CNTNAP3: variants seen among roughly 807,000 people sequenced by gnomAD.
CNTNAP3 encodes the protein contactin-associated protein-like 3.
Under a neutral mutation model 92.1 loss-of-function variants are expected in CNTNAP3, and 36 were observed. The ratio of observed to expected loss-of-function variants is 0.39; its 90% CI spans 0.30 to 0.52. CNTNAP3 has a LOEUF of 0.52. Ranked by LOEUF, CNTNAP3 falls within the 20% of genes least tolerant of loss-of-function variation. The pLI, the probability that CNTNAP3 is intolerant of heterozygous loss-of-function variation, is 0.76. For missense variants in CNTNAP3, 534 were observed against 1,069.6 expected (o/e 0.50, Z 6.98); for synonymous variants, 232 against 422.3 (o/e 0.55, Z 5.53).
chr9:39,103,109 A>G (rs1826505532), intron 16 of CNTNAP3, among the ~76,000 whole-genome samples: 2 of 152,376 alleles, frequency 1.3e-5, no homozygotes, highest in African/African-American at 4.8e-5. Context: ...TTTGACAGTC[A>G]TAAATTAAGC....
intron 13 of CNTNAP3, among the ~76,000 whole-genome samples, chr9:39,121,517 T>C (rs558834526): frequency 8.7e-4 from 133 of 152,274 alleles, no homozygotes; most frequent in Middle Eastern, 6.8e-3. Flanking sequence ...GTTAAAGTCA[T>C]AGGGCAAACA....
intron 13 of CNTNAP3, among the ~76,000 whole-genome samples, chr9:39,118,842 G>T (rs903919001): frequency 6.6e-6 from 1 of 152,154 alleles, no homozygotes. Context: ...TGAGGTTAGA[G>T]ATTTCTCATG....
At position 39,109,412 on chromosome 9, in the gene CNTNAP3, A is replaced by G. The variant is rs1016287058; in HGVS notation, c.2238-125T>C. 4.9e-6 allele frequency: 7 copies of G among 1,442,552 alleles called. No individual in the cohort carries two copies. The Admixed American group carries it at 6.7e-5, about 14-fold the overall frequency. The allele number at this position is 1,442,552 out of a possible 1,614,324, so 89.4% of individuals were successfully genotyped here. On this transcript the variant is annotated intron_variant, in intron 14 of 23. Coordinates refer to ENST00000297668, the MANE Select transcript of CNTNAP3 (RefSeq NM_033655.5). ...CTTAACAGAATACTTAACATTTTCA[A>G]TATTTTGAGAGCACAGAGACTACCA...
intron 14 of CNTNAP3, among the ~76,000 whole-genome samples, chr9:39,112,222 ATTGTAC>A (rs1563881627): frequency 6.6e-6 from 1 of 151,860 alleles, no homozygotes; most frequent in African/African-American, 2.4e-5. Context: ...GGTTCTGGAA[ATTGTAC>A]TTTCCTAGGA....
intron 13 of CNTNAP3, among the ~76,000 whole-genome samples, chr9:39,131,273 A>G (rs1036571854): frequency 1.3e-5 from 2 of 152,168 alleles, no homozygotes; most frequent in Non-Finnish European, 2.9e-5. Flanking sequence ...TCATTTATAA[A>G]AGAAACCCCA....
Position 39,120,493 on chromosome 9 carries a change from A to G in CNTNAP3, c.2081-2234T>C, listed in dbSNP as rs181351435. ...GAAACCATCCTGGCTAACACGGTGA[A>G]ACCCCGTCTCTACTAAAAATACAAA... On this transcript the variant is annotated intron_variant, in intron 13 of 23. Transcript: ENST00000297668. Among the ~76,000 whole-genome samples, 699 of 152,252 alleles carry G rather than the reference A, an allele frequency of 4.6e-3. 8 individuals carry two copies. Among genetic ancestry groups the G allele is most frequent in the African/African-American group, 0.016 (670 of 41,554 alleles).
chr9:39,098,299 T>C (rs1439735936), intron 18 of CNTNAP3, among the ~76,000 whole-genome samples: 1 of 150,204 alleles, frequency 6.7e-6, no homozygotes, highest in Non-Finnish European at 1.5e-5. Context: ...CACATACACA[T>C]ACACACACCC....
intron 13 of CNTNAP3, among the ~76,000 whole-genome samples, chr9:39,126,586 A>G (rs1821158758): frequency 6.6e-6 from 1 of 152,166 alleles, no homozygotes; most frequent in African/African-American, 2.4e-5. Flanking sequence ...TTAAAAATGA[A>G]CACCACAACC....
intron 10 of CNTNAP3, among the ~76,000 whole-genome samples, chr9:39,146,379 G>A (rs978371922): frequency 6.6e-5 from 10 of 152,062 alleles, no homozygotes; most frequent in South Asian, 2.1e-4. Flanking sequence ...TCTGATGTAA[G>A]AGGTGATTAA....
chr9:39,121,196 TTAAAAG>T (rs1230399829), intron 13 of CNTNAP3, among the ~76,000 whole-genome samples: 1 of 148,138 alleles, frequency 6.8e-6, no homozygotes, highest in African/African-American at 2.5e-5. Flanking sequence ...CATAGGCAGG[TTAAAAG>T]TAAAAGGATG....
At chr9:39,111,545 G>A (rs961464736) in intron 14 of CNTNAP3, among the ~76,000 whole-genome samples, 15 of 152,106 alleles carry the variant, frequency 9.9e-5, no homozygotes, top group Non-Finnish European at 1.9e-4. Context: ...GCTTTAGAGT[G>A]GATTGATGGT....
At chr9:39,081,646 C>T (rs1475653) in intron 21 of CNTNAP3, among the ~76,000 whole-genome samples, 2 of 151,900 alleles carry the variant, frequency 1.3e-5, no homozygotes, top group African/African-American at 4.8e-5. Context: ...TCCCAGCCCA[C>T]TGAAGTCATG....
intron 13 of CNTNAP3, among the ~76,000 whole-genome samples, chr9:39,121,382 G>T (rs1257640478): frequency 6.6e-6 from 1 of 152,058 alleles, no homozygotes; most frequent in Non-Finnish European, 1.5e-5. Flanking sequence ...TTAAAAAAAT[G>T]AGGCAAAAAT....
Position 39,194,781 on chromosome 9 carries a change from CTTTTTTT to C in CNTNAP3, c.391-1513_391-1507del, listed in dbSNP as rs1170423558. Among the ~76,000 whole-genome samples the C allele has an allele frequency of 2.4e-3, 3 of 1,276 alleles. 1 individual carries two copies. Among genetic ancestry groups the C allele is most frequent in the Non-Finnish European group, 4.2e-3 (3 of 720 alleles). 0.8% of individuals were successfully genotyped at this position (1,276 alleles called of 152,430 possible). ...GCCAATTCCAAGATAATCATTTCAC[CTTTTTTT>C]TTTTTTTTTTTTTTTTTTTTCTGAG... On this transcript the variant is annotated intron_variant, in intron 3 of 23. Coordinates refer to ENST00000297668, the MANE Select transcript of CNTNAP3 (RefSeq NM_033655.5).
intron 12 of CNTNAP3, among the ~76,000 whole-genome samples, chr9:39,133,776 A>G: frequency 6.6e-6 from 1 of 151,946 alleles, no homozygotes; most frequent in African/African-American, 2.4e-5. Context: ...TTGATGAAAT[A>G]AAAACAAAAT....
At chr9:39,084,938 C>G (rs1826033399) in intron 21 of CNTNAP3, 1 of 148,718 alleles carries the variant, frequency 6.7e-6, no homozygotes, top group African/African-American at 2.5e-5. Context: ...TTTGAATATA[C>G]CATCCTTGAA....
At chr9:39,107,787 A>G (rs1436034155) in intron 15 of CNTNAP3, among the ~76,000 whole-genome samples, 1 of 152,238 alleles carries the variant, frequency 6.6e-6, no homozygotes, top group East Asian at 1.9e-4. Context: ...AGATGCAGAG[A>G]ATCCAACAAA....
At chr9:39,103,647 T>C in intron 16 of CNTNAP3, 97 bp downstream of exon 16, 6 of 1,339,800 alleles carry the variant, frequency 4.5e-6, no homozygotes, top group Non-Finnish European at 6.0e-6. Flanking sequence ...TGAAATAGAA[T>C]CACAAAATAA....
Position 39,073,346 on chromosome 9 carries a change from G to T in CNTNAP3, c.*544C>A, listed in dbSNP as rs1245695683. The T allele has an allele frequency of 3.6e-6, 1 of 278,866 alleles. No homozygotes were observed. Among genetic ancestry groups the T allele is most frequent in the African/African-American group, 2.3e-5 (1 of 44,134 alleles). The allele number at this position is 278,866 out of a possible 1,614,324, so 17.3% of individuals were successfully genotyped here. ...ACTTGGCTCTGGATTCCAGGACTAT[G>T]GAAATGCCAGTGAAGGTAGTCCAAG... On this transcript the variant is annotated 3_prime_UTR_variant, in exon 24 of 24. Transcript: ENST00000297668.
Sources: allele counts gnomAD v4.1 joint callset (sites outside exome capture counted in the v4.1 genomes callset), GRCh38; gene constraint gnomAD v4.1.1; transcripts MANE v1.5; gene names NCBI Gene and HGNC (gene_info 2026-07-23, HGNC 2026-07-21).